Variants in KCNQ5 observed in about 807,000 individuals in gnomAD.
KCNQ5 encodes the protein potassium voltage-gated channel subfamily KQT member 5.
Under a neutral mutation model 98.2 loss-of-function variants are expected in KCNQ5, and 30 were observed. That is an observed-to-expected ratio of 0.31 (90% CI 0.23 to 0.41). KCNQ5 has a LOEUF of 0.41. Ranked by LOEUF, KCNQ5 falls within the 10% of genes least tolerant of loss-of-function variation. The pLI is 1.00. For missense variants in KCNQ5, 835 were observed against 1,182.5 expected (o/e 0.71, Z 4.31); for synonymous variants, 458 against 449.4 (o/e 1.02, Z -0.24).
chr6:72,820,174 T>A (rs905230800), intron 1 of KCNQ5, among the ~76,000 whole-genome samples: 7 of 152,226 alleles, frequency 4.6e-5, no homozygotes, highest in African/African-American at 1.7e-4. Context: ...GCTTCTCTTG[T>A]CATAGTGTGT....
At chr6:72,748,019 A>T (rs1207732432) in intron 1 of KCNQ5, among the ~76,000 whole-genome samples, 1 of 152,170 alleles carries the variant, frequency 6.6e-6, no homozygotes, top group Non-Finnish European at 1.5e-5. Flanking sequence ...TTTTCGTTGT[A>T]TAATCTATAC....
intron 1 of KCNQ5, among the ~76,000 whole-genome samples, chr6:72,903,424 T>C (rs1779584023): frequency 6.6e-6 from 1 of 152,158 alleles, no homozygotes; most frequent in South Asian, 2.1e-4. Flanking sequence ...TGACGTTAGA[T>C]TGTCAGTTTG....
At chr6:72,724,648 CAT>C (rs1483967921) in intron 1 of KCNQ5, among the ~76,000 whole-genome samples, 1 of 152,220 alleles carries the variant, frequency 6.6e-6, no homozygotes, top group Admixed American at 6.5e-5. Flanking sequence ...AACTATAAAA[CAT>C]GTGCTCTCTT....
rs754289629 is a variant in KCNQ5 at position 72,622,413 on chromosome 6, T to G, written c.224T>G (p.Leu75Arg). The change falls in exon 1 of 14, where the codon CTG becomes CGG. Residue 75 changes from leucine (L) to arginine (R), a missense_variant. Coordinates refer to ENST00000370398, the MANE Select transcript of KCNQ5 (RefSeq NM_019842.4). This position sits in a 1 kb window ranked among gnomAD's most constrained non-coding sequence, Gnocchi z 6.0. ...AATLGGGGGG[L>R]RESRRGKQGA... is the part of the protein sequence containing the mutation. ...ACGCTCGGTGGCGGCGGCGGTGGCC[T>G]GAGGGAGAGCCGCCGGGGCAAGCAG... The G allele has an allele frequency of 3.4e-5, 52 of 1,525,858 alleles. No individual in the cohort carries two copies. Among genetic ancestry groups the G allele is most frequent in the Non-Finnish European group, 4.0e-5 (46 of 1,136,360 alleles). 94.5% of individuals were successfully genotyped at this position (1,525,858 alleles called of 1,614,324 possible).
In KCNQ5 at chr6:73,120,781, G is replaced by T. The variant is rs149503306; in HGVS notation, c.1220+204G>T. ...TCATTCCTCACAATCCACAGACTGGGGTTAAAGATTAAAATAATGTAAATT... is the reference window on the plus strand; with the variant it reads ...TCATTCCTCACAATCCACAGACTGGTGTTAAAGATTAAAATAATGTAAATT... On this transcript the variant is annotated intron_variant, in intron 8 of 13. Coordinates refer to ENST00000370398, the MANE Select transcript of KCNQ5 (RefSeq NM_019842.4). Among the ~76,000 whole-genome samples the T allele has an allele frequency of 7.9e-5, 12 of 152,170 alleles. No homozygotes were observed. The East Asian group carries it at 2.1e-3, about 27-fold the overall frequency.
intron 1 of KCNQ5, among the ~76,000 whole-genome samples, chr6:72,894,692 AT>A (rs2150186270): frequency 6.6e-6 from 1 of 152,330 alleles, no homozygotes; most frequent in Admixed American, 6.5e-5. Flanking sequence ...AAAAGATTGT[AT>A]AATGAACATT....
chr6:72,661,971 T>C (rs1766552362), intron 1 of KCNQ5, among the ~76,000 whole-genome samples: 1 of 152,134 alleles, frequency 6.6e-6, no homozygotes, highest in Non-Finnish European at 1.5e-5. Flanking sequence ...ACTTATGTGA[T>C]AGAGGTGGCG....
At chr6:72,902,812 T>A (rs1442376261) in intron 1 of KCNQ5, among the ~76,000 whole-genome samples, 1 of 152,114 alleles carries the variant, frequency 6.6e-6, no homozygotes, top group Non-Finnish European at 1.5e-5. Context: ...CTTTTTTGGT[T>A]ATGTCCTTTC....
At chr6:72,729,923 G>A (rs1770474271) in intron 1 of KCNQ5, among the ~76,000 whole-genome samples, 1 of 152,192 alleles carries the variant, frequency 6.6e-6, no homozygotes, top group South Asian at 2.1e-4. Flanking sequence ...CATTTTGGGA[G>A]GCCGAGGTGG....
intron 1 of KCNQ5, among the ~76,000 whole-genome samples, chr6:72,978,304 C>G (rs953521526): frequency 3.9e-5 from 6 of 152,194 alleles, no homozygotes; most frequent in African/African-American, 9.7e-5. Flanking sequence ...AAAGCAAGAA[C>G]CTGACTGTGA....
chr6:73,129,631 C>A (rs1776138806), intron 9 of KCNQ5, among the ~76,000 whole-genome samples: 1 of 152,186 alleles, frequency 6.6e-6, no homozygotes, highest in Non-Finnish European at 1.5e-5. Flanking sequence ...ATCTTTCAAG[C>A]AGCACAATTA....
intron 1 of KCNQ5, among the ~76,000 whole-genome samples, chr6:72,741,301 T>C (rs1457967765): frequency 6.6e-6 from 1 of 152,168 alleles, no homozygotes; most frequent in Non-Finnish European, 1.5e-5. Flanking sequence ...TAATAATGAA[T>C]AGCCAGGAAG....
At position 72,769,305 on chromosome 6, in the gene KCNQ5, C is replaced by G. The variant is rs1678180438; in HGVS notation, c.398+146718C>G. ...GCTGTATGCTTAATAAAAATACATA[C>G]TTTTAAGGTAACAGCTATGTTTGGA... On this transcript the variant is annotated intron_variant, in intron 1 of 13. Transcript: ENST00000370398. Among the ~76,000 whole-genome samples the G allele has an allele frequency of 2.6e-5, 4 of 151,986 alleles. No individual in the cohort carries two copies. The South Asian group carries it at 8.3e-4, about 32-fold the overall frequency.
At chr6:73,034,655 G>T (rs991289549) in intron 2 of KCNQ5, among the ~76,000 whole-genome samples, 4 of 152,054 alleles carry the variant, frequency 2.6e-5, no homozygotes, top group African/African-American at 9.7e-5. Flanking sequence ...ATAACGGCAA[G>T]AACATAATTT....
chr6:72,670,689 G>A (rs1434947313), intron 1 of KCNQ5, among the ~76,000 whole-genome samples: 7 of 152,202 alleles, frequency 4.6e-5, no homozygotes, highest in East Asian at 1.9e-4. Context: ...CTTCCTGGCT[G>A]TAGACAGACA....
intron 2 of KCNQ5, among the ~76,000 whole-genome samples, chr6:73,036,026 T>C (rs950396027): frequency 6.8e-6 from 1 of 147,168 alleles, no homozygotes; most frequent in Non-Finnish European, 1.5e-5. Context: ...TGTGTGTGTG[T>C]GTGTATTGGC....
intron 10 of KCNQ5, among the ~76,000 whole-genome samples, chr6:73,154,472 A>G (rs1240864336): frequency 2.6e-5 from 4 of 152,170 alleles, no homozygotes; most frequent in Non-Finnish European, 5.9e-5. Context: ...CATTAGTGTT[A>G]CATTGTTCCT....
intron 11 of KCNQ5, among the ~76,000 whole-genome samples, chr6:73,183,574 C>A (rs1399764061): frequency 2.6e-5 from 4 of 152,174 alleles, no homozygotes; most frequent in African/African-American, 9.7e-5. Flanking sequence ...CAGTTCCAGG[C>A]ATTCCAATGA....
At chr6:73,010,322 A>G (rs1035845093) in intron 2 of KCNQ5, among the ~76,000 whole-genome samples, 1 of 151,930 alleles carries the variant, frequency 6.6e-6, no homozygotes, top group African/African-American at 2.4e-5. Flanking sequence ...TGATTAAAAT[A>G]TATATATATA....
Sources: gnomAD v4.1 joint callset for allele counts (sites outside exome capture counted in the v4.1 genomes callset) on GRCh38, gnomAD v4.1.1 for gene constraint, Gnocchi (gnomAD v3.1) non-coding constraint, MANE v1.5 for transcripts, NCBI Gene and HGNC (gene_info 2026-07-23, HGNC 2026-07-21) for gene names.